CLOCK: variants seen among roughly 807,000 people sequenced by gnomAD.
CLOCK encodes circadian locomoter output cycles protein kaput.
In CLOCK, 43 loss-of-function variants were observed where a neutral mutation model predicts 118.4. The ratio of observed to expected loss-of-function variants is 0.36; its 90% CI spans 0.28 to 0.47. The LOEUF is 0.47. Among genes scored for constraint, CLOCK ranks in the 20% least tolerant of loss-of-function variants. The pLI is 1.00. For missense variants in CLOCK, 846 were observed against 999.9 expected (o/e 0.85, Z 2.08); for synonymous variants, 326 against 339.2 (o/e 0.96, Z 0.43).
At chr4:55,448,965 T>C in intron 17 of CLOCK, 97 bp from the exon 18 acceptor site, 1 of 981,648 alleles carries the variant, frequency 1.0e-6, no homozygotes. Flanking sequence ...TTAATAAACT[T>C]ACCATTTGCC....
At chr4:55,497,006 A>G (rs1728125543) in intron 2 of CLOCK, among the ~76,000 whole-genome samples, 1 of 152,238 alleles carries the variant, frequency 6.6e-6, no homozygotes, top group Non-Finnish European at 1.5e-5. Context: ...AAGAGGTACT[A>G]TGTGCTTCCT....
rs1727522316 is a variant in CLOCK at position 55,489,386 on chromosome 4, T to C, written c.-56A>G. The C allele has an allele frequency of 6.6e-6, 1 of 152,212 alleles. No individual in the cohort carries two copies. Among genetic ancestry groups the C allele is most frequent in the East Asian group, 1.9e-4 (1 of 5,198 alleles). The allele number at this position is 152,212 out of a possible 1,614,324, so 9.4% of individuals were successfully genotyped here. On this transcript the variant is annotated 5_prime_UTR_variant, in exon 3 of 23. Transcript: ENST00000513440. ...CACCTTTCTTTACCTTTTGTACTCCTTGGATCTTTTAAACTGATTCTTCAG... is the reference window on the plus strand; with the variant it reads ...CACCTTTCTTTACCTTTTGTACTCCCTGGATCTTTTAAACTGATTCTTCAG...
At chr4:55,487,911 T>A (rs562401086) in intron 3 of CLOCK, among the ~76,000 whole-genome samples, 1 of 152,322 alleles carries the variant, frequency 6.6e-6, no homozygotes, top group South Asian at 2.1e-4. Flanking sequence ...TCTGTCCTGT[T>A]ATGTCTTTCG....
chr4:55,521,540 C>G (rs1366447123), intron 1 of CLOCK, among the ~76,000 whole-genome samples: 1 of 152,200 alleles, frequency 6.6e-6, no homozygotes, highest in Non-Finnish European at 1.5e-5. Context: ...TTTTATAGAG[C>G]TCACCTTATA....
chr4:55,466,208 T>C (rs1725729895), intron 8 of CLOCK, among the ~76,000 whole-genome samples: 1 of 152,040 alleles, frequency 6.6e-6, no homozygotes, highest in African/African-American at 2.4e-5. Context: ...GTGAGTGAGT[T>C]TTCCCAAGTT....
At chr4:55,491,234 TAAAAA>T (rs34441416) in intron 2 of CLOCK, among the ~76,000 whole-genome samples, 1 of 44,342 alleles carries the variant, frequency 2.3e-5, no homozygotes, top group African/African-American at 9.2e-5. Context: ...GCAGGTGTGC[TAAAAA>T]AAAAAAAAAA....
rs1423684279 is a variant in CLOCK at position 55,463,744 on chromosome 4, T to C, written c.500A>G (p.Tyr167Cys). The C allele has an allele frequency of 6.2e-7, 1 of 1,612,236 alleles. No individual in the cohort carries two copies. Among genetic ancestry groups the C allele is most frequent in the Non-Finnish European group, 8.5e-7 (1 of 1,178,590 alleles). The change falls in exon 9 of 23, where the codon TAT becomes TGT. Residue 167 changes from tyrosine (Y) to cysteine (C), a missense_variant. Physicochemically the swap from Tyr to Cys is radical, Grantham distance 194. This residue lies in a region of CLOCK where 246 missense variants were observed against 300.2 expected (regional missense o/e 0.82). Coordinates refer to ENST00000513440, the MANE Select transcript of CLOCK (RefSeq NM_004898.4). ...CAGCAGATGAGTAGAGAGTATTTTA[T>C]AAACCTCTGAATGTTCCCCTTCTGG... The part of the protein sequence containing the change: ...FIPEGEHSEV[Y>C]KILSTHLLES...
chr4:55,508,913 G>T (rs1553900958), intron 2 of CLOCK, among the ~76,000 whole-genome samples: 1 of 152,102 alleles, frequency 6.6e-6, no homozygotes, highest in Non-Finnish European at 1.5e-5. Flanking sequence ...TTTGAGAAAT[G>T]CACAGGCAAT....
chr4:55,469,863 G>A (rs542893296), intron 8 of CLOCK, among the ~76,000 whole-genome samples: 32 of 152,072 alleles, frequency 2.1e-4, no homozygotes, highest in South Asian at 2.1e-4. Flanking sequence ...TGCATACCAC[G>A]ACACTTGGCT....
At chr4:55,509,656 C>G (rs28547142) in intron 2 of CLOCK, among the ~76,000 whole-genome samples, 2,286 of 152,308 alleles carry the variant, frequency 0.015, 62 homozygotes, top group African/African-American at 0.053. Context: ...AGTTATGACT[C>G]TTACTTTTGA....
At chr4:55,543,769 T>G (rs1731434079) in intron 1 of CLOCK, among the ~76,000 whole-genome samples, 1 of 149,696 alleles carries the variant, frequency 6.7e-6, no homozygotes, top group Admixed American at 6.7e-5. Flanking sequence ...AGAGCAAGAC[T>G]CCGTCTCCAA....
chr4:55,526,034 T>C (rs1730163446), intron 1 of CLOCK, among the ~76,000 whole-genome samples: 1 of 152,178 alleles, frequency 6.6e-6, no homozygotes, highest in South Asian at 2.1e-4. Flanking sequence ...CAAAGGAGCA[T>C]TTCAGATTTC....
rs1722425573 is a variant in CLOCK at position 55,430,481 on chromosome 4, A to G, written c.*4934T>C. 6.6e-6 allele frequency: 1 copy of G among 152,210 alleles called. No homozygotes were observed. The highest frequency in any genetic ancestry group is 2.4e-5 in the African/African-American group (1 of 41,446). The allele number at this position is 152,210 out of a possible 1,614,324, so 9.4% of individuals were successfully genotyped here. ...TGCTTAATTTCTTGTGAACTGTTCA[A>G]CACTGTTTTAAATATCCTGAATAAC... On this transcript the variant is annotated 3_prime_UTR_variant, in exon 23 of 23. Transcript: ENST00000513440.
chr4:55,514,730 C>A (rs1037778533), intron 1 of CLOCK, among the ~76,000 whole-genome samples: 1 of 152,088 alleles, frequency 6.6e-6, no homozygotes, highest in African/African-American at 2.4e-5. Flanking sequence ...TTGGATAAAT[C>A]CCACTTGATC....
intron 2 of CLOCK, among the ~76,000 whole-genome samples, chr4:55,492,158 C>A (rs1017430317): frequency 5.9e-5 from 9 of 152,148 alleles, no homozygotes; most frequent in African/African-American, 2.2e-4. Flanking sequence ...ACTACCAATC[C>A]AAACGCAACA....
intron 1 of CLOCK, among the ~76,000 whole-genome samples, chr4:55,527,801 G>C (rs2110079511): frequency 6.6e-6 from 1 of 152,176 alleles, no homozygotes; most frequent in Admixed American, 6.5e-5. Context: ...CCAGCACTTT[G>C]GGAGGCCTAA....
intron 3 of CLOCK, among the ~76,000 whole-genome samples, chr4:55,484,771 T>A (rs376261359): frequency 3.3e-5 from 5 of 152,156 alleles, no homozygotes. Flanking sequence ...CAGGGGGTGG[T>A]GGCGGGGACT....
intron 3 of CLOCK, among the ~76,000 whole-genome samples, chr4:55,483,082 T>C (rs964567499): frequency 5.9e-5 from 9 of 152,124 alleles, no homozygotes; most frequent in Admixed American, 6.6e-5. Flanking sequence ...TCAATCAAAA[T>C]AAAATGGACA....
chr4:55,507,446 C>A (rs1219298001), intron 2 of CLOCK, among the ~76,000 whole-genome samples: 2 of 151,908 alleles, frequency 1.3e-5, no homozygotes, highest in African/African-American at 4.8e-5. Context: ...AACCCCATCT[C>A]TACTAAAAAT....
Sources: allele counts gnomAD v4.1 joint callset (sites outside exome capture counted in the v4.1 genomes callset), GRCh38; gene constraint gnomAD v4.1.1; regional missense constraint gnomAD v4.1.1; transcripts MANE v1.5; gene names NCBI Gene and HGNC (gene_info 2026-07-23, HGNC 2026-07-21).